ZKSCAN7: variants seen among roughly 807,000 people sequenced by gnomAD.
ZKSCAN7 encodes zinc finger with KRAB and SCAN domains 7.
ZKSCAN7 carries 38 observed loss-of-function variants against 65.3 expected under a neutral mutation model. The ratio of observed to expected loss-of-function variants is 0.58; its 90% CI spans 0.45 to 0.76. The LOEUF (loss-of-function observed/expected upper bound fraction) is 0.76. ZKSCAN7 is among the 30% of genes least tolerant of loss of function. The pLI is 0.00. For synonymous variants in ZKSCAN7, 321 were observed against 321.0 expected (o/e 1.00, Z 0.00); for missense variants, 815 against 913.3 (o/e 0.89, Z 1.39).
chr3:44,581,053 A>T (rs1425104481), intron 5 of ZKSCAN7: 1 of 1,444,690 alleles, frequency 6.9e-7, no homozygotes, highest in Non-Finnish European at 9.2e-7. Flanking sequence ...GCGGCGGCGC[A>T]GGCCCGGCCG....
At chr3:44,578,176 T>C in intron 5 of ZKSCAN7, 1 of 1,521,750 alleles carries the variant, frequency 6.6e-7, no homozygotes, top group Non-Finnish European at 9.1e-7. Context: ...CAGTCAGCCT[T>C]AGCCTTTGCG....
chr3:44,570,342 A>T lies in ZKSCAN7; in HGVS notation c.1232A>T (p.Tyr411Phe). 6.2e-7 allele frequency: 1 copy of T among 1,614,150 alleles called. No individual in the cohort carries two copies. The highest frequency in any genetic ancestry group is 8.5e-7 in the Non-Finnish European group (1 of 1,180,020). ...AGAATCCACACTGGAGAGAAACCCT[A>T]TGAGTGTAATGAGTGTGGGAAGACC... ...HQRIHTGEKPYECNECGKTFR... is the reference protein window; with the variant it reads ...HQRIHTGEKPFECNECGKTFR... Residue 411 changes from tyrosine (Y) to phenylalanine (F), a missense_variant, in exon 6 of 6, where the codon TAT becomes TTT. Transcript: ENST00000426540.
chr3:44,582,063 G>A (rs954880814), intron 5 of ZKSCAN7, among the ~76,000 whole-genome samples: 1 of 152,204 alleles, frequency 6.6e-6, no homozygotes, highest in Non-Finnish European at 1.5e-5. Context: ...CTAACATCAG[G>A]TCATGCTCTG....
At chr3:44,559,973 G>T (rs1699418175) in intron 2 of ZKSCAN7, among the ~76,000 whole-genome samples, 1 of 152,232 alleles carries the variant, frequency 6.6e-6, no homozygotes, top group Non-Finnish European at 1.5e-5. Flanking sequence ...ACCATTTAGT[G>T]AGGGTGGCAG....
chr3:44,571,935 G>A lies in ZKSCAN7; in HGVS notation c.*560G>A. The A allele has an allele frequency of 1.0e-6, 1 of 986,178 alleles. No homozygotes were observed. The highest frequency in any genetic ancestry group is 1.2e-6 in the Non-Finnish European group (1 of 830,496). The allele number at this position is 986,178 out of a possible 1,614,324, so 61.1% of individuals were successfully genotyped here. ...ATCACTGAAATACTTTCTTCTTCAA[G>A]TACTTTTTTATTTTTCTTCAACTTC... On this transcript the variant is annotated 3_prime_UTR_variant, in exon 6 of 6. Coordinates refer to ENST00000426540, the MANE Select transcript of ZKSCAN7 (RefSeq NM_001288590.2).
At position 44,557,130 on chromosome 3, in the gene ZKSCAN7, A is replaced by G. The variant is rs139564143; in HGVS notation, c.83A>G (p.Lys28Arg). 3.1e-6 allele frequency: 5 copies of G among 1,614,152 alleles called. No individual in the cohort carries two copies. The African/African-American group carries it at 6.7e-5, about 22-fold the overall frequency. ...AAGCAAGAGGGGCGCCTGACTGTGAAGCAGGAGCCAGCAAACCAGACCTGG... is the reference window on the plus strand; with the variant it reads ...AAGCAAGAGGGGCGCCTGACTGTGAGGCAGGAGCCAGCAAACCAGACCTGG... ...FQKQEGRLTV[K>R]QEPANQTWGQ... Residue 28 changes from lysine (K) to arginine (R), a missense_variant, in exon 2 of 6, where the codon AAG (lysine) becomes AGG (arginine). Physicochemically the swap from Lys to Arg is conservative, Grantham distance 26. This residue lies in a region of ZKSCAN7 where 227 missense variants were observed against 253.3 expected (regional missense o/e 0.90). Transcript: ENST00000426540.
downstream of ZKSCAN7, among the ~76,000 whole-genome samples, chr3:44,576,054 A>AT (rs545908230): frequency 1.3e-5 from 2 of 151,816 alleles, no homozygotes; most frequent in South Asian, 2.1e-4. Flanking sequence ...TATATATATA[A>AT]TTTTTTTCCC....
At chr3:44,572,434 G>A (rs1275121128), downstream of ZKSCAN7, among the ~76,000 whole-genome samples, 6 of 151,284 alleles carry the variant, frequency 4.0e-5, no homozygotes, top group African/African-American at 1.5e-4. Context: ...GTATGTGTGT[G>A]AATGTGTGTG....
chr3:44,561,125 C>G (rs748250400), intron 2 of ZKSCAN7, among the ~76,000 whole-genome samples: 1 of 152,140 alleles, frequency 6.6e-6, no homozygotes, highest in Non-Finnish European at 1.5e-5. Context: ...AAAGAACTAC[C>G]TGGGTAATTA....
downstream of ZKSCAN7, among the ~76,000 whole-genome samples, chr3:44,572,849 C>CAAAAAAAAAAA (rs11339297): frequency 5.2e-4 from 38 of 72,390 alleles, no homozygotes; most frequent in Non-Finnish European, 6.9e-4. Flanking sequence ...GACTCTGTCT[C>CAAAAAAAAAAA]AAAAAAAAAA....
intron 2 of ZKSCAN7, among the ~76,000 whole-genome samples, chr3:44,563,034 C>T (rs1474397159): frequency 6.6e-6 from 1 of 151,942 alleles, no homozygotes; most frequent in Non-Finnish European, 1.5e-5. Flanking sequence ...CTCTCAAGTT[C>T]AAAGTTCCAC....
intron 5 of ZKSCAN7, chr3:44,580,615 C>A (rs942422634): frequency 6.2e-7 from 1 of 1,613,758 alleles, no homozygotes; most frequent in Non-Finnish European, 8.5e-7. Flanking sequence ...CACCCACTGA[C>A]GATCTCCTTG....
intron 2 of ZKSCAN7, among the ~76,000 whole-genome samples, chr3:44,563,025 T>TC (rs1699528654): frequency 6.6e-6 from 1 of 152,042 alleles, no homozygotes; most frequent in Non-Finnish European, 1.5e-5. Flanking sequence ...GAATCATTTC[T>TC]CTCAAGTTCA....
In ZKSCAN7 at chr3:44,571,361, T is replaced by C; in HGVS notation, c.2251T>C (p.Trp751Arg). 2 of 1,614,084 alleles carry C rather than the reference T, an allele frequency of 1.2e-6. No homozygotes were observed. ...TGGAGAGAAGTCCTCAGGTCTGGCT[T>C]GGTCAGTTTCTTAAGGTATGGTTCT... ...HTGEKSSGLAWSVS is the reference protein window; with the variant it reads ...HTGEKSSGLARSVS Residue 751 changes from tryptophan to arginine, a missense_variant, in exon 6 of 6, where the codon TGG (tryptophan) becomes CGG (arginine). This residue lies in a region of ZKSCAN7 where 578 missense variants were observed against 629.5 expected (regional missense o/e 0.92). Transcript: ENST00000426540.
rs766673193 is a variant in ZKSCAN7 at position 44,557,203 on chromosome 3, C to A, written c.156C>A (p.Ile52=). The A allele has an allele frequency of 6.2e-7, 1 of 1,614,266 alleles. No homozygotes were observed. The highest frequency in any genetic ancestry group is 8.5e-7 in the Non-Finnish European group (1 of 1,180,052). ...AGAACTATCCTCCTGTCTGCGAAAT[C>A]TTCCGGCTACACTTCAGGCAATTGT... is the stretch of plus-strand genomic sequence containing the variant. The part of the protein sequence containing the change: ...LQKNYPPVCE[I]FRLHFRQLCY... The change falls in exon 2 of 6, where the codon ATC becomes ATA. Residue 52 remains isoleucine, a synonymous_variant. Coordinates refer to ENST00000426540, the MANE Select transcript of ZKSCAN7 (RefSeq NM_001288590.2).
At position 44,570,148 on chromosome 3, in the gene ZKSCAN7, G is replaced by A; in HGVS notation, c.1038G>A (p.Lys346=). 6.2e-7 allele frequency: 1 copy of A among 1,614,060 alleles called. No individual in the cohort carries two copies. Among genetic ancestry groups the A allele is most frequent in the Non-Finnish European group, 8.5e-7 (1 of 1,180,012 alleles). The part of the protein sequence containing the change: ...NDFLEITDED[K]KKSTKDRYDK... ...TCTTGGAAATAACAGATGAAGATAA[G>A]AAAAAATCCACAAAAGACAGATATG... The change falls in exon 6 of 6, where the codon AAG becomes AAA. Residue 346 remains lysine (K), a synonymous_variant. Coordinates refer to ENST00000426540, the MANE Select transcript of ZKSCAN7 (RefSeq NM_001288590.2).
chr3:44,582,742 T>C (rs540337197), intron 5 of ZKSCAN7, among the ~76,000 whole-genome samples: 1 of 152,260 alleles, frequency 6.6e-6, no homozygotes, highest in South Asian at 2.1e-4. Context: ...AATTTGAGAA[T>C]TACTGGACTA....
Position 44,572,122 on chromosome 3 carries a change from C to A in ZKSCAN7, c.*747C>A. On this transcript the variant is annotated 3_prime_UTR_variant, in exon 6 of 6. Coordinates refer to ENST00000426540, the MANE Select transcript of ZKSCAN7 (RefSeq NM_001288590.2). ...TTTCCCATATAGATAGTATTTTGTA[C>A]ATACCAGTTGTTAAATAAATAATTT... 1.0e-6 allele frequency: 1 copy of A among 983,798 alleles called. No individual in the cohort carries two copies. Among genetic ancestry groups the A allele is most frequent in the South Asian group, 4.7e-5 (1 of 21,260 alleles). The allele number at this position is 983,798 out of a possible 1,614,324, so 60.9% of individuals were successfully genotyped here.
Position 44,570,912 on chromosome 3 carries a change from A to C in ZKSCAN7, c.1802A>C (p.His601Pro), listed in dbSNP as rs1020277044. 16 of 1,614,094 alleles carry C rather than the reference A, an allele frequency of 9.9e-6. No individual in the cohort carries two copies. The highest frequency in any genetic ancestry group is 1.4e-5 in the Non-Finnish European group (16 of 1,180,028). ...NSQLIEHERI[H>P]TGEKPFECSE... ...CAACTCATTGAGCATGAGCGAATTC[A>C]TACTGGAGAAAAACCTTTTGAATGT... The change falls in exon 6 of 6, where the codon CAT becomes CCT. Residue 601 changes from histidine (H) to proline (P), a missense_variant. Around this residue, in one of 3 missense-constraint regions of ZKSCAN7, gnomAD observed 578 missense variants for 629.5 expected, o/e 0.92. Coordinates refer to ENST00000426540, the MANE Select transcript of ZKSCAN7 (RefSeq NM_001288590.2).
Sources: allele counts gnomAD v4.1 joint callset (sites outside exome capture counted in the v4.1 genomes callset), GRCh38; gene constraint gnomAD v4.1.1; regional missense constraint gnomAD v4.1.1; transcripts MANE v1.5; gene names NCBI Gene and HGNC (gene_info 2026-07-23, HGNC 2026-07-21).